Variants in PDSS2 observed in about 807,000 individuals in gnomAD.
The protein encoded by PDSS2 is all trans-polyprenyl-diphosphate synthase PDSS2.
A neutral mutation model predicts 44.5 loss-of-function variants in PDSS2; 31 were observed. The ratio of observed to expected loss-of-function variants is 0.70; its 90% confidence interval spans 0.52 to 0.94. The LOEUF (loss-of-function observed/expected upper bound fraction) is 0.94, where lower values mean the gene tolerates loss of function less well. Among genes scored for constraint, PDSS2 ranks in the 40% least tolerant of loss-of-function variants. The probability of loss-of-function intolerance (pLI) is 0.00; values close to 1 mark genes in which losing one functional copy is unlikely to be tolerated. For synonymous variants in PDSS2, 157 were observed against 180.3 expected (o/e 0.87, Z 1.03); for missense variants, 452 against 482.2 (o/e 0.94, Z 0.59).
intron 1 of PDSS2, among the ~76,000 whole-genome samples, chr6:107,418,936 C>T (rs1245741903): frequency 1.3e-5 from 2 of 151,888 alleles, no homozygotes; most frequent in Non-Finnish European, 2.9e-5. Context: ...TTGTTGCATG[C>T]TAATTTTAAA....
chr6:107,348,474 G>C (rs905755746), intron 1 of PDSS2, among the ~76,000 whole-genome samples: 6 of 152,190 alleles, frequency 3.9e-5, no homozygotes, highest in African/African-American at 1.4e-4. Flanking sequence ...ATGGAACTCA[G>C]GAGTGAAACA....
intron 1 of PDSS2, among the ~76,000 whole-genome samples, chr6:107,363,004 G>A (rs560243778): frequency 6.6e-6 from 1 of 152,090 alleles, no homozygotes; most frequent in African/African-American, 2.4e-5. Flanking sequence ...AAAAACTGAA[G>A]AAAAATGAAC....
At chr6:107,214,741 A>AG in intron 4 of PDSS2, among the ~76,000 whole-genome samples, 1 of 152,280 alleles carries the variant, frequency 6.6e-6, no homozygotes, top group East Asian at 1.9e-4. Flanking sequence ...TGCCATGTTG[A>AG]GGGGCATCTT....
chr6:107,368,117 A>C (rs932494627), intron 1 of PDSS2, among the ~76,000 whole-genome samples: 1 of 151,876 alleles, frequency 6.6e-6, no homozygotes, highest in Non-Finnish European at 1.5e-5. Context: ...AAAAATACAA[A>C]AATTAGCTGG....
In PDSS2 at chr6:107,269,124, G is replaced by A. The variant is rs1490960057; in HGVS notation, c.630+4905C>T. On this transcript the variant is annotated intron_variant, in intron 3 of 7. Coordinates refer to ENST00000369037, the MANE Select transcript of PDSS2 (RefSeq NM_020381.4). ...CCTGATAATTTCAGGGTTTCATCAT[G>A]TTGGTCAGGCTGGTCTCGAACTCCC... Among the ~76,000 whole-genome samples the A allele has an allele frequency of 2.0e-5, 3 of 152,016 alleles. No individual in the cohort carries two copies. The East Asian group carries it at 5.8e-4, about 29-fold the overall frequency.
At position 107,449,695 on chromosome 6, in the gene PDSS2, C is replaced by A. The variant is rs1015088327; in HGVS notation, c.296+9295G>T. Among the ~76,000 whole-genome samples, 24 of 152,166 alleles carry A rather than the reference C, an allele frequency of 1.6e-4. 1 individual carries two copies. Among genetic ancestry groups the A allele is most frequent in the Non-Finnish European group, 1.9e-4 (13 of 68,032 alleles). ...GATCCTCCCACTTTGGCCTCTAGAG[C>A]AGCTGTCTAGCCAACTTATTTTTAG... On this transcript the variant is annotated intron_variant, in intron 1 of 7. Coordinates refer to ENST00000369037, the MANE Select transcript of PDSS2 (RefSeq NM_020381.4).
intron 4 of PDSS2, among the ~76,000 whole-genome samples, chr6:107,239,769 G>A (rs9373931): frequency 0.17 from 25,732 of 149,616 alleles, 2,741 homozygotes; most frequent in East Asian, 0.33. Context: ...AGCCTCCCAA[G>A]TAGCTGGGAT....
At chr6:107,158,035 G>A (rs1554245981) in intron 7 of PDSS2, among the ~76,000 whole-genome samples, 1 of 151,976 alleles carries the variant, frequency 6.6e-6, no homozygotes, top group East Asian at 1.9e-4. Context: ...GGTCCTTACT[G>A]TATAATGCAT....
intron 4 of PDSS2, among the ~76,000 whole-genome samples, chr6:107,242,480 G>C (rs919468937): frequency 6.6e-6 from 1 of 151,988 alleles, no homozygotes; most frequent in Non-Finnish European, 1.5e-5. Flanking sequence ...TCCCGACCTC[G>C]TGATCCGCCT....
intron 1 of PDSS2, among the ~76,000 whole-genome samples, chr6:107,405,819 C>A (rs1780298332): frequency 6.7e-6 from 1 of 149,314 alleles, no homozygotes; most frequent in Admixed American, 6.6e-5. Context: ...TGCACTCCAG[C>A]CTGGGCGACA....
At chr6:107,180,473 T>C (rs1288515464) in intron 7 of PDSS2, among the ~76,000 whole-genome samples, 2 of 152,206 alleles carry the variant, frequency 1.3e-5, no homozygotes, top group African/African-American at 2.4e-5. Flanking sequence ...ATATTCCTTA[T>C]GAATTAGAAG....
chr6:107,165,356 G>A (rs1771305023), intron 7 of PDSS2, among the ~76,000 whole-genome samples: 1 of 152,180 alleles, frequency 6.6e-6, no homozygotes, highest in South Asian at 2.1e-4. Flanking sequence ...GTGTGAGGAA[G>A]GGATCCAGTT....
chr6:107,456,807 G>A (rs1191895515), intron 1 of PDSS2, among the ~76,000 whole-genome samples: 1 of 152,164 alleles, frequency 6.6e-6, no homozygotes, highest in Middle Eastern at 3.2e-3. Context: ...CTCCCAAAGT[G>A]CTGGGATCAC....
intron 6 of PDSS2, among the ~76,000 whole-genome samples, chr6:107,202,757 C>T (rs898244143): frequency 2.0e-5 from 3 of 151,936 alleles, no homozygotes; most frequent in African/African-American, 7.3e-5. Context: ...TAGAGGCAAG[C>T]GTGGATGTCT....
intron 1 of PDSS2, among the ~76,000 whole-genome samples, chr6:107,376,250 T>A (rs1232528703): frequency 6.6e-6 from 1 of 152,040 alleles, no homozygotes; most frequent in Non-Finnish European, 1.5e-5. Flanking sequence ...TGTGGGCTCT[T>A]TTTTGGTTCC....
chr6:107,213,879 G>A (rs932277012), intron 4 of PDSS2, among the ~76,000 whole-genome samples: 7 of 152,064 alleles, frequency 4.6e-5, no homozygotes, highest in Admixed American at 2.6e-4. Context: ...TGTAAAAGAG[G>A]ATATAATTTA....
intron 1 of PDSS2, among the ~76,000 whole-genome samples, chr6:107,435,186 G>A (rs1434374477): frequency 1.3e-5 from 2 of 151,704 alleles, no homozygotes; most frequent in Non-Finnish European, 2.9e-5. Context: ...GGCTGAGGTG[G>A]GAGGATCACT....
At chr6:107,441,813 A>G (rs563660271) in intron 1 of PDSS2, among the ~76,000 whole-genome samples, 6 of 152,192 alleles carry the variant, frequency 3.9e-5, no homozygotes, top group Non-Finnish European at 7.3e-5. Flanking sequence ...CAGGCATGAA[A>G]TACAGTAGCT....
intron 1 of PDSS2, among the ~76,000 whole-genome samples, chr6:107,372,155 G>A (rs952819416): frequency 1.3e-5 from 2 of 152,136 alleles, no homozygotes; most frequent in Admixed American, 1.3e-4. Context: ...AGGCAGTCAA[G>A]GGGGGTAGTC....
Sources: allele counts gnomAD v4.1 joint callset (sites outside exome capture counted in the v4.1 genomes callset), GRCh38; gene constraint gnomAD v4.1.1; transcripts MANE v1.5; gene names NCBI Gene and HGNC (gene_info 2026-07-23, HGNC 2026-07-21).